Variants in CSMD1 observed in about 807,000 individuals in gnomAD.
CSMD1 encodes CUB and sushi domain-containing protein 1.
A neutral mutation model predicts 417.5 loss-of-function variants in CSMD1; 213 were observed. The observed-to-expected ratio is 0.51, with a 90% CI of 0.46 to 0.57. CSMD1 has a LOEUF of 0.57. Ranked by LOEUF, CSMD1 falls within the 20% of genes least tolerant of loss-of-function variation. CSMD1 has a pLI of 0.00. For missense variants in CSMD1, 6,923 were observed against 4,529.7 expected, an observed-to-expected ratio of 1.53 and a Z score of -15.17; for synonymous variants, 2,862 against 1,736.8, an observed-to-expected ratio of 1.65 and a Z score of -16.11.
rs573912672 is a variant in CSMD1 at position 4,518,641 on chromosome 8, C to A, written c.303-98576G>T. On this transcript the variant is annotated intron_variant, in intron 2 of 69. Transcript: ENST00000635120. ...TGGGGTGGGGGGCGGGGGGAGGAATCGCATTAGGAGATATACCTAATGCTA... is the reference window on the plus strand; with the variant it reads ...TGGGGTGGGGGGCGGGGGGAGGAATAGCATTAGGAGATATACCTAATGCTA... Among the ~76,000 whole-genome samples, 64 of 151,232 alleles carry A rather than the reference C, an allele frequency of 4.2e-4. No individual in the cohort carries two copies. In the South Asian group the frequency reaches 7.6e-3, roughly 18 times the overall value.
rs987212037 is a variant in CSMD1, at chr8:3,481,171, A to C, written c.1449-12347T>G. Among the ~76,000 whole-genome samples, 83 of 150,538 alleles carry C rather than the reference A, an allele frequency of 5.5e-4. No homozygotes were observed. In the East Asian group the frequency reaches 0.011, roughly 20 times the overall value. On this transcript the variant is annotated intron_variant, in intron 11 of 69. Coordinates refer to ENST00000635120, the MANE Select transcript of CSMD1 (RefSeq NM_033225.6). ...CTCCATCTCAAAAAAAAAAAAAAAAAAAAAAAAACCAGAGTAGTTGGTAGA... is the reference window on the plus strand; with the variant it reads ...CTCCATCTCAAAAAAAAAAAAAAAACAAAAAAAACCAGAGTAGTTGGTAGA...
rs66500235 is a variant in CSMD1, at chr8:3,643,700, C to CAAA, written c.1010-26906_1010-26904dup. On this transcript the variant is annotated intron_variant, in intron 7 of 69. Transcript: ENST00000635120. ...TGGGCGACAGCGTGAGACTCCGTCT[C>CAAA]AAAAAAAAAAAAAAAAAAAAAAGGA... 2.0e-4 allele frequency among the ~76,000 whole-genome samples: 17 copies of CAAA among 85,318 alleles called. 1 individual carries two copies. Among genetic ancestry groups the CAAA allele is most frequent in the African/African-American group, 4.9e-4 (10 of 20,508 alleles). The allele number at this position is 85,318 out of a possible 152,430, so 56.0% of individuals were successfully genotyped here.
chr8:3,837,528 A>T (rs1427426500), intron 5 of CSMD1, among the ~76,000 whole-genome samples: 1 of 152,164 alleles, frequency 6.6e-6, no homozygotes, highest in Non-Finnish European at 1.5e-5. Context: ...AGACATTTAA[A>T]AAACAACACA....
At chr8:4,541,403 C>A (rs977590938) in intron 2 of CSMD1, among the ~76,000 whole-genome samples, 1 of 152,200 alleles carries the variant, frequency 6.6e-6, no homozygotes, top group Non-Finnish European at 1.5e-5. Flanking sequence ...GTAAGCACTG[C>A]CTTCACCTTT....
At chr8:4,130,511 T>G (rs1803034096) in intron 3 of CSMD1, among the ~76,000 whole-genome samples, 1 of 152,222 alleles carries the variant, frequency 6.6e-6, no homozygotes. Context: ...GATTCTTGGC[T>G]TTCTGAAGTT....
rs535608787 is a variant in CSMD1, at chr8:4,023,855, G to T, written c.610+8050C>A. Among the ~76,000 whole-genome samples the T allele has an allele frequency of 7.8e-5, 11 of 141,326 alleles. No homozygotes were observed. In the East Asian group the frequency reaches 2.3e-3, roughly 30 times the overall value. 92.7% of individuals were successfully genotyped at this position (141,326 alleles called of 152,430 possible). On this transcript the variant is annotated intron_variant, in intron 4 of 69. Coordinates refer to ENST00000635120, the MANE Select transcript of CSMD1 (RefSeq NM_033225.6). The stretch of plus-strand genomic sequence containing the variant: ...GATGGCCTCGATCTCCTGACCTCGG[G>T]ATCTGCCCGCCTTGGCCTCCCAAAG...
chr8:4,435,376 G>A (rs1300880078), intron 2 of CSMD1, among the ~76,000 whole-genome samples: 1 of 152,166 alleles, frequency 6.6e-6, no homozygotes, highest in Admixed American at 6.5e-5. Context: ...AGAAAACTCA[G>A]AGTTCCTGCA....
At chr8:4,662,248 A>T (rs1804652810) in intron 1 of CSMD1, among the ~76,000 whole-genome samples, 1 of 152,180 alleles carries the variant, frequency 6.6e-6, no homozygotes, top group African/African-American at 2.4e-5. Flanking sequence ...AATTAATACC[A>T]AATTTAATAA....
At position 2,965,828 on chromosome 8, in the gene CSMD1, G is replaced by C. The variant is rs754567805; in HGVS notation, c.9227C>G (p.Thr3076Ser). 1.2e-6 allele frequency: 2 copies of C among 1,608,938 alleles called. No homozygotes were observed. The highest frequency in any genetic ancestry group is 2.2e-5 in the South Asian group (2 of 89,848). Reference sequence around the variant, plus strand: ...CCTGCCGTCTTTGGTACAGCGAATAGTGGCGGATGTGACTGCTTCCATGAC... The same window carrying C: ...CCTGCCGTCTTTGGTACAGCGAATACTGGCGGATGTGACTGCTTCCATGAC... ...GYVMEAVTSA[T>S]IRCTKDGRWN... is the part of the protein sequence containing the mutation. Residue 3076 changes from threonine to serine, a missense_variant, in exon 59 of 70, where the codon ACT becomes AGT. Coordinates refer to ENST00000635120, the MANE Select transcript of CSMD1 (RefSeq NM_033225.6).
chr8:4,320,952 C>A (rs1034282753), intron 3 of CSMD1, among the ~76,000 whole-genome samples: 1 of 152,140 alleles, frequency 6.6e-6, no homozygotes, highest in African/African-American at 2.4e-5. Context: ...GAGGTCCTAG[C>A]CACTCTGCCA....
intron 3 of CSMD1, among the ~76,000 whole-genome samples, chr8:4,339,052 G>A (rs117852382): frequency 1.3e-5 from 2 of 152,116 alleles, no homozygotes; most frequent in East Asian, 1.9e-4. Flanking sequence ...CAAATCTACC[G>A]GGAACTATTG....
chr8:4,145,768 C>G (rs918322835), intron 3 of CSMD1, among the ~76,000 whole-genome samples: 4 of 151,060 alleles, frequency 2.6e-5, no homozygotes, highest in African/African-American at 9.9e-5. Context: ...CCTGCAGGTT[C>G]TGCGTCAGCT....
At chr8:4,770,313 C>CA (rs1441716317) in intron 1 of CSMD1, among the ~76,000 whole-genome samples, 2 of 147,040 alleles carry the variant, frequency 1.4e-5, no homozygotes, top group African/African-American at 4.9e-5. Context: ...ATATAATTAG[C>CA]AACTATATAT....
chr8:3,318,136 C>A (rs192151391), intron 23 of CSMD1, among the ~76,000 whole-genome samples: 46 of 152,268 alleles, frequency 3.0e-4, no homozygotes, highest in African/African-American at 9.4e-4. Flanking sequence ...TGATTTCTTT[C>A]CTGATGATGA....
Position 4,990,636 on chromosome 8 carries a change from G to A in CSMD1, c.85+3696C>T, listed in dbSNP as rs143110038. Among the ~76,000 whole-genome samples the A allele has an allele frequency of 2.6e-4, 39 of 152,184 alleles. 1 individual carries two copies. The highest frequency in any genetic ancestry group is 2.6e-3 in the Admixed American group (39 of 15,274). ...AGCCTCCCAAAGTGCTGAGATTACAGGCATGAGCCACAGCATCCGGCCCAC... is the reference window on the plus strand; with the variant it reads ...AGCCTCCCAAAGTGCTGAGATTACAAGCATGAGCCACAGCATCCGGCCCAC... On this transcript the variant is annotated intron_variant, in intron 1 of 69. Coordinates refer to ENST00000635120, the MANE Select transcript of CSMD1 (RefSeq NM_033225.6).
intron 2 of CSMD1, among the ~76,000 whole-genome samples, chr8:4,547,959 G>A (rs1585234012): frequency 6.6e-6 from 1 of 152,208 alleles, no homozygotes; most frequent in East Asian, 1.9e-4. Context: ...CAAAAGAAGG[G>A]TAATTACATT....
chr8:3,271,125 G>C (rs142129573), intron 26 of CSMD1, among the ~76,000 whole-genome samples: 4,842 of 129,798 alleles, frequency 0.037, 99 homozygotes, highest in African/African-American at 0.073. Flanking sequence ...TCCCCTTCCT[G>C]TGTTCACGTG....
chr8:4,867,419 C>T (rs1802479699), intron 1 of CSMD1, among the ~76,000 whole-genome samples: 1 of 152,070 alleles, frequency 6.6e-6, no homozygotes, highest in Non-Finnish European at 1.5e-5. Flanking sequence ...AACTTAAATA[C>T]ACCCCTGTAA....
At chr8:4,186,871 C>T (rs1203967051) in intron 3 of CSMD1, among the ~76,000 whole-genome samples, 2 of 151,106 alleles carry the variant, frequency 1.3e-5, no homozygotes, top group Non-Finnish European at 2.9e-5. Flanking sequence ...TGTTGAGTGC[C>T]TGTAGTCCCA....
Sources: allele counts gnomAD v4.1 joint callset (sites outside exome capture counted in the v4.1 genomes callset), GRCh38; gene constraint gnomAD v4.1.1; transcripts MANE v1.5; gene names NCBI Gene and HGNC (gene_info 2026-07-23, HGNC 2026-07-21).